EPB41L3: variants seen among roughly 807,000 people sequenced by gnomAD.
The protein encoded by EPB41L3 is band 4.1-like protein 3.
In EPB41L3, 57 loss-of-function variants were observed where a neutral mutation model predicts 127.1. The ratio of observed to expected loss-of-function variants is 0.45; its 90% CI spans 0.36 to 0.56. The LOEUF is 0.56. EPB41L3 is among the 20% of genes least tolerant of loss of function. The pLI, the probability that EPB41L3 is intolerant of heterozygous loss-of-function variation, is 0.00. For missense variants in EPB41L3, 1,273 were observed against 1,372.2 expected (o/e 0.93, Z 1.14); for synonymous variants, 572 against 549.5 (o/e 1.04, Z -0.57).
intron 1 of EPB41L3, among the ~76,000 whole-genome samples, chr18:5,501,442 G>A (rs1020085104): frequency 3.3e-5 from 5 of 152,108 alleles, no homozygotes; most frequent in Non-Finnish European, 7.3e-5. Flanking sequence ...AAACAGAAAC[G>A]AACACCAATT....
chr18:5,518,515 T>C (rs954378194), intron 1 of EPB41L3: 1 of 152,278 alleles, frequency 6.6e-6, no homozygotes, highest in Non-Finnish European at 1.5e-5. Context: ...GATTATTTTC[T>C]GTTTCTCGCC....
At chr18:5,540,672 T>A in intron 1 of EPB41L3, 1 of 461,776 alleles carries the variant, frequency 2.2e-6, no homozygotes, top group Non-Finnish European at 2.8e-6. Context: ...CTAACTGAAG[T>A]GGTGCTAAAG....
At chr18:5,560,786 G>A (rs1231982226) in intron 3 of EPB41L3, among the ~76,000 whole-genome samples, 1 of 151,978 alleles carries the variant, frequency 6.6e-6, no homozygotes, top group Middle Eastern at 3.2e-3. Flanking sequence ...TTGGGGGGTG[G>A]GGAGAACGAA....
chr18:5,508,847 C>T (rs1166466401), intron 1 of EPB41L3, among the ~76,000 whole-genome samples: 1 of 151,214 alleles, frequency 6.6e-6, no homozygotes, highest in Non-Finnish European at 1.5e-5. Context: ...GGTAGCAACA[C>T]CCAGGCCAGT....
rs1055964741 is a variant in EPB41L3 at position 5,538,908 on chromosome 18, A to C, written c.-12+5005T>G. Among the ~76,000 whole-genome samples, 3 of 152,032 alleles carry C rather than the reference A, an allele frequency of 2.0e-5. No individual in the cohort carries two copies. The East Asian group carries it at 5.8e-4, about 29-fold the overall frequency. On this transcript the variant is annotated intron_variant, in intron 1 of 22. Transcript: ENST00000341928. Reference sequence around the variant, plus strand: ...TAACAACCTTGTTATGAAGAGGACCACGCCATTAAAAATAATGACTACATA... The same window carrying C: ...TAACAACCTTGTTATGAAGAGGACCCCGCCATTAAAAATAATGACTACATA...
intron 3 of EPB41L3, among the ~76,000 whole-genome samples, chr18:5,461,903 C>A (rs1300285584): frequency 6.6e-6 from 1 of 151,978 alleles, no homozygotes; most frequent in Non-Finnish European, 1.5e-5. Context: ...GATAACAAGC[C>A]ACAAAATGGA....
At chr18:5,444,681 G>A (rs1024535316) in intron 4 of EPB41L3, among the ~76,000 whole-genome samples, 1 of 152,100 alleles carries the variant, frequency 6.6e-6, no homozygotes, top group African/African-American at 2.4e-5. Context: ...AGCATAAAAA[G>A]ATAAATGAAA....
At chr18:5,452,977 A>G (rs62081964) in intron 3 of EPB41L3, among the ~76,000 whole-genome samples, 61,798 of 151,994 alleles carry the variant, frequency 0.41, 12,614 homozygotes, top group East Asian at 0.47. Context: ...GGGGTGACTG[A>G]CGGGTACAAA....
At chr18:5,485,166 T>C (rs1052432202) in intron 2 of EPB41L3, among the ~76,000 whole-genome samples, 12 of 152,090 alleles carry the variant, frequency 7.9e-5, no homozygotes, top group East Asian at 7.7e-4. Flanking sequence ...TAAATGTGAT[T>C]CATCCTAGGG....
chr18:5,548,881 T>G (rs58722840), upstream of EPB41L3, among the ~76,000 whole-genome samples: 6,699 of 152,286 alleles, frequency 0.044, 455 homozygotes, highest in African/African-American at 0.14. Flanking sequence ...CTCAACCACA[T>G]GATCACTATT....
At chr18:5,409,721 AC>A (rs1268794241) in intron 14 of EPB41L3, among the ~76,000 whole-genome samples, 12 of 151,310 alleles carry the variant, frequency 7.9e-5, no homozygotes, top group African/African-American at 1.9e-4. Flanking sequence ...GCAAAAAAAA[AC>A]ATATAAACAA....
rs534477525 is a variant in EPB41L3, at chr18:5,407,562, C to A, written c.2157+139G>T. 1.0e-5 allele frequency: 8 copies of A among 791,640 alleles called. No homozygotes were observed. The African/African-American group carries it at 1.2e-4, about 12-fold the overall frequency. The allele number at this position is 791,640 out of a possible 1,614,324, so 49.0% of individuals were successfully genotyped here. ...GACACAGTTGTCAAGGGAACAAATG[C>A]CAACCTACACACTGCACCAACAACA... is the stretch of plus-strand genomic sequence containing the variant. On this transcript the variant is annotated intron_variant, in intron 15 of 22. Coordinates refer to ENST00000341928, the MANE Select transcript of EPB41L3 (RefSeq NM_012307.5).
intron 13 of EPB41L3, among the ~76,000 whole-genome samples, chr18:5,413,321 C>T (rs955660721): frequency 2.6e-5 from 4 of 152,062 alleles, no homozygotes; most frequent in African/African-American, 9.7e-5. Flanking sequence ...TATCCTGCCC[C>T]TTATTTGACC....
intron 3 of EPB41L3, among the ~76,000 whole-genome samples, chr18:5,460,402 C>A (rs139546655): frequency 6.6e-6 from 1 of 152,206 alleles, no homozygotes; most frequent in African/African-American, 2.4e-5. Context: ...CATGTCCATG[C>A]CATATTCTCC....
chr18:5,396,948 T>C, intron 18 of EPB41L3, 110 bp downstream of exon 18: 3 of 1,155,572 alleles, frequency 2.6e-6, no homozygotes, highest in East Asian at 2.4e-5. Flanking sequence ...ACACTATACA[T>C]GGGAGAGGCA....
chr18:5,437,148 A>T (rs1187356274), intron 6 of EPB41L3, among the ~76,000 whole-genome samples: 1 of 152,108 alleles, frequency 6.6e-6, no homozygotes, highest in Non-Finnish European at 1.5e-5. Flanking sequence ...TCCCCTCCAA[A>T]TCCATATGTT....
intron 3 of EPB41L3, among the ~76,000 whole-genome samples, chr18:5,556,363 C>T (rs1379403150): frequency 6.6e-6 from 1 of 152,224 alleles, no homozygotes; most frequent in East Asian, 1.9e-4. Context: ...GATTGAGCAG[C>T]TACTCTGGGT....
intron 3 of EPB41L3, among the ~76,000 whole-genome samples, chr18:5,597,580 T>C (rs937722836): frequency 6.6e-6 from 1 of 152,210 alleles, no homozygotes; most frequent in African/African-American, 2.4e-5. Context: ...TTGTAAGAGA[T>C]GAATATACAA....
chr18:5,593,450 C>T (rs2094505486), intron 3 of EPB41L3, among the ~76,000 whole-genome samples: 6 of 152,016 alleles, frequency 3.9e-5, no homozygotes, highest in Middle Eastern at 3.4e-3. Flanking sequence ...AGGGAGTGTA[C>T]GAATAGGGTG....
Sources: allele counts gnomAD v4.1 joint callset (sites outside exome capture counted in the v4.1 genomes callset), GRCh38; gene constraint gnomAD v4.1.1; transcripts MANE v1.5; gene names NCBI Gene and HGNC (gene_info 2026-07-23, HGNC 2026-07-21).